Variants in PTPRN2 observed in about 807,000 individuals in gnomAD.
PTPRN2 encodes the protein protein tyrosine phosphatase receptor type N2.
In PTPRN2, 74 loss-of-function variants were observed where a neutral mutation model predicts 118.8. The observed-to-expected ratio is 0.62, with a 90% CI of 0.52 to 0.76. PTPRN2 has a LOEUF of 0.76. PTPRN2 is among the 30% of genes least tolerant of loss of function. The probability of loss-of-function intolerance (pLI) is 0.00; values close to 1 mark genes in which losing one functional copy is unlikely to be tolerated. For synonymous variants in PTPRN2, 641 were observed against 608.0 expected, an observed-to-expected ratio of 1.05 and a Z score of -0.80; for missense variants, 1,481 against 1,394.4, an observed-to-expected ratio of 1.06 and a Z score of -0.99.
rs1417245991 is a variant in PTPRN2, at chr7:157,619,114, C to G, written c.2344+2248G>C. Reference sequence around the variant, plus strand: ...ACGGACCACTTCACCATCACTAGGTCCCTCGCCCCCAACCCCCCCATCCAC... The same window carrying G: ...ACGGACCACTTCACCATCACTAGGTGCCTCGCCCCCAACCCCCCCATCCAC... On this transcript the variant is annotated intron_variant, in intron 15 of 22. Transcript: ENST00000389418. This position sits in a 1 kb window ranked among gnomAD's most constrained non-coding sequence, Gnocchi z 5.3. 6.6e-6 allele frequency among the ~76,000 whole-genome samples: 1 copy of G among 152,030 alleles called. No homozygotes were observed. Among genetic ancestry groups the G allele is most frequent in the Non-Finnish European group, 1.5e-5 (1 of 68,016 alleles).
rs185316104 is a variant in PTPRN2 at position 158,507,352 on chromosome 7, C to G, written c.113-17567G>C. ...CCTGCGCTGGGCAGGAAATCACACA[C>G]ATGGAGGTCAGTGAGGACCATCCAG... On this transcript the variant is annotated intron_variant, in intron 1 of 22. Transcript: ENST00000389418. Among the ~76,000 whole-genome samples the G allele has an allele frequency of 1.9e-3, 283 of 151,716 alleles. 1 individual carries two copies. The highest frequency in any genetic ancestry group is 0.01 in the Middle Eastern group (3 of 290).
chr7:157,845,909 T>C lies in PTPRN2; in HGVS notation c.1788+52764A>G, dbSNP rs1356054495. Among the ~76,000 whole-genome samples, 1 of 152,186 alleles carries C rather than the reference T, an allele frequency of 6.6e-6. No homozygotes were observed. Among genetic ancestry groups the C allele is most frequent in the African/African-American group, 2.4e-5 (1 of 41,442 alleles). ...AAAGCCTAAATGGGGGGAAAAAACC[T>C]GTAAATGTTTTGAAGAAAACATTTG... On this transcript the variant is annotated intron_variant, in intron 12 of 22. Transcript: ENST00000389418. The surrounding 1 kb of genome is among the most constrained non-coding windows in gnomAD (Gnocchi z 4.5).
chr7:158,547,010 A>G (rs1444131394), intron 1 of PTPRN2, among the ~76,000 whole-genome samples: 1 of 151,832 alleles, frequency 6.6e-6, no homozygotes, highest in East Asian at 1.9e-4. Context: ...GCACAGAAAG[A>G]AGCTCAGACC....
At chr7:157,639,390 TGATGTGA>T (rs1804533872) in intron 14 of PTPRN2, among the ~76,000 whole-genome samples, 2 of 152,316 alleles carry the variant, frequency 1.3e-5, no homozygotes, top group African/African-American at 4.8e-5. Context: ...ATTGTCAATG[TGATGTGA>T]GATGAAGCAC....
In PTPRN2 at chr7:157,785,667, G is replaced by A. The variant is rs115836242; in HGVS notation, c.1789-102730C>T. Among the ~76,000 whole-genome samples the A allele has an allele frequency of 5.1e-4, 78 of 152,288 alleles. No homozygotes were observed. Among genetic ancestry groups the A allele is most frequent in the African/African-American group, 1.8e-3 (76 of 41,564 alleles). ...GCAGAGGGCAGAGACGGAGACCGTGGGCACAGCACACCAAGGGGGAGCCTG... is the reference window on the plus strand; with the variant it reads ...GCAGAGGGCAGAGACGGAGACCGTGAGCACAGCACACCAAGGGGGAGCCTG... On this transcript the variant is annotated intron_variant, in intron 12 of 22. Coordinates refer to ENST00000389418, the MANE Select transcript of PTPRN2 (RefSeq NM_002847.5). The surrounding 1 kb of genome is among the most constrained non-coding windows in gnomAD (Gnocchi z 7.3).
In PTPRN2 at chr7:157,576,788, G is replaced by A. The variant is rs375650311; in HGVS notation, c.2617-9C>T. 52 of 1,590,458 alleles carry A rather than the reference G, an allele frequency of 3.3e-5. No individual in the cohort carries two copies. In the African/African-American group the frequency reaches 6.4e-4, roughly 20 times the overall value. ...TCGGAGACCAGGTTCACCTGGCAGG[G>A]AGGAGCGGAGGGAGGGGACAGAGAC... is the stretch of plus-strand genomic sequence containing the variant. On this transcript the variant is annotated splice_polypyrimidine_tract_variant and intron_variant, in intron 18 of 22. Transcript: ENST00000389418.
At position 158,574,330 on chromosome 7, in the gene PTPRN2, A is replaced by AGT. The variant is rs1828209882; in HGVS notation, c.112+13226_112+13227dup. On this transcript the variant is annotated intron_variant, in intron 1 of 22. Transcript: ENST00000389418. This position sits in a 1 kb window ranked among gnomAD's most constrained non-coding sequence, Gnocchi z 4.6. ...TCTTCAGCAAAATATTTTAATCATTAGTGATGTTTAATTTCTCATTCTCTT... is the reference window on the plus strand; with the variant it reads ...TCTTCAGCAAAATATTTTAATCATTAGTGTGATGTTTAATTTCTCATTCTCTT... Among the ~76,000 whole-genome samples the AGT allele has an allele frequency of 6.6e-6, 1 of 152,276 alleles. No individual in the cohort carries two copies. The highest frequency in any genetic ancestry group is 1.5e-5 in the Non-Finnish European group (1 of 68,042).
chr7:157,994,235 T>C (rs1450431382), intron 11 of PTPRN2, among the ~76,000 whole-genome samples: 1 of 152,184 alleles, frequency 6.6e-6, no homozygotes, highest in Non-Finnish European at 1.5e-5. Context: ...CTGAGCCACT[T>C]AACACTGGGT....
chr7:158,420,654 G>A (rs1009209970), intron 2 of PTPRN2, among the ~76,000 whole-genome samples: 17 of 152,316 alleles, frequency 1.1e-4, no homozygotes, highest in African/African-American at 3.4e-4. Context: ...TCATGGCTGT[G>A]AGCCATGCAG....
intron 11 of PTPRN2, among the ~76,000 whole-genome samples, chr7:157,939,572 C>T (rs576273000): frequency 2.5e-4 from 38 of 152,362 alleles, no homozygotes; most frequent in African/African-American, 8.9e-4. Context: ...GCATATGAAC[C>T]TAATTTGCCA....
intron 1 of PTPRN2, among the ~76,000 whole-genome samples, chr7:158,530,122 T>C (rs1825112530): frequency 6.6e-6 from 1 of 152,120 alleles, no homozygotes. Context: ...CAAAAATAAG[T>C]AGAATTACGT....
At position 158,057,587 on chromosome 7, in the gene PTPRN2, G is replaced by A. The variant is rs541954663; in HGVS notation, c.1723+23711C>T. On this transcript the variant is annotated intron_variant, in intron 11 of 22. Transcript: ENST00000389418. ...ACGCTGTGGCACTGTGGCCTGGAGTGGGTGAGGCAGACGGCCAGCTGCCCT... is the reference window on the plus strand; with the variant it reads ...ACGCTGTGGCACTGTGGCCTGGAGTAGGTGAGGCAGACGGCCAGCTGCCCT... Among the ~76,000 whole-genome samples the A allele has an allele frequency of 6.8e-4, 103 of 152,350 alleles. 1 individual carries two copies. In the South Asian group the frequency reaches 0.02, roughly 30 times the overall value.
chr7:158,264,875 G>A (rs11763290), intron 3 of PTPRN2, among the ~76,000 whole-genome samples: 29,297 of 152,124 alleles, frequency 0.19, 2,980 homozygotes, highest in Middle Eastern at 0.23. Flanking sequence ...ATGCCCGGGA[G>A]GAGCTGTCCC....
intron 11 of PTPRN2, among the ~76,000 whole-genome samples, chr7:157,951,997 C>T (rs113119876): frequency 5.9e-5 from 9 of 152,350 alleles, no homozygotes; most frequent in East Asian, 3.9e-4. Context: ...CTCCAGCCTG[C>T]GCCCCGCACT....
chr7:158,085,197 A>G (rs1482566903), intron 10 of PTPRN2, among the ~76,000 whole-genome samples: 1 of 125,578 alleles, frequency 8.0e-6, no homozygotes, highest in Non-Finnish European at 1.6e-5. Flanking sequence ...ACGCCCATCC[A>G]CACCCTTGAC....
chr7:157,822,865 C>T (rs530930407), intron 12 of PTPRN2, among the ~76,000 whole-genome samples: 5 of 152,010 alleles, frequency 3.3e-5, no homozygotes, highest in Non-Finnish European at 7.4e-5. Context: ...TCCATGCAGG[C>T]ATCCATCCTT....
At chr7:158,486,904 T>A (rs1308584418) in intron 2 of PTPRN2, among the ~76,000 whole-genome samples, 3 of 152,218 alleles carry the variant, frequency 2.0e-5, no homozygotes, top group African/African-American at 4.8e-5. Context: ...CGTCCCAAAC[T>A]GAAACTCCAC....
chr7:157,905,011 T>C (rs4716802), intron 11 of PTPRN2, among the ~76,000 whole-genome samples: 31,032 of 152,076 alleles, frequency 0.2, 3,495 homozygotes, highest in Admixed American at 0.35. Flanking sequence ...CCGCCGGATT[T>C]CTCTAAATGG....
intron 2 of PTPRN2, among the ~76,000 whole-genome samples, chr7:158,330,982 C>G (rs1400249956): frequency 1.7e-5 from 2 of 120,426 alleles, no homozygotes; most frequent in African/African-American, 3.1e-5. Context: ...CACCCACACT[C>G]TCACCATAAG....
Sources: gnomAD v4.1 joint callset for allele counts (sites outside exome capture counted in the v4.1 genomes callset) on GRCh38, gnomAD v4.1.1 for gene constraint, Gnocchi (gnomAD v3.1) non-coding constraint, MANE v1.5 for transcripts, NCBI Gene and HGNC (gene_info 2026-07-23, HGNC 2026-07-21) for gene names.